FRMD4A: variants seen among roughly 807,000 people sequenced by gnomAD.
FRMD4A encodes the protein FERM domain-containing protein 4A.
FRMD4A carries 29 observed loss-of-function variants against 129.1 expected under a neutral mutation model. The ratio of observed to expected loss-of-function variants is 0.22; its 90% CI spans 0.17 to 0.31. The LOEUF is 0.31. Ranked by LOEUF, FRMD4A falls within the 10% of genes least tolerant of loss-of-function variation. FRMD4A has a pLI of 1.00. For synonymous variants in FRMD4A, 634 were observed against 571.6 expected (o/e 1.11, Z -1.56); for missense variants, 1,272 against 1,375.8 (o/e 0.92, Z 1.19).
chr10:13,934,698 G>A (rs1318607514), intron 2 of FRMD4A, among the ~76,000 whole-genome samples: 2 of 152,028 alleles, frequency 1.3e-5, no homozygotes, highest in Admixed American at 1.3e-4. Flanking sequence ...ATAGCCTTAC[G>A]TTAGAATGCT....
intron 2 of FRMD4A, among the ~76,000 whole-genome samples, chr10:13,884,168 TCACACACTCA>T (rs2094584439): frequency 1.5e-5 from 1 of 67,454 alleles, no homozygotes; most frequent in Admixed American, 1.3e-4. Flanking sequence ...ACACACACAC[TCACACACTCA>T]CACACACACA....
At chr10:14,122,767 A>G (rs369680042) in intron 2 of FRMD4A, among the ~76,000 whole-genome samples, 54 of 152,254 alleles carry the variant, frequency 3.5e-4, no homozygotes, top group South Asian at 1.5e-3. Flanking sequence ...GGGGATTGCA[A>G]CTGAACACAG....
intron 2 of FRMD4A, among the ~76,000 whole-genome samples, chr10:14,323,483 T>A (rs1164313840): frequency 6.6e-6 from 1 of 152,218 alleles, no homozygotes; most frequent in Non-Finnish European, 1.5e-5. Flanking sequence ...ATTGAAGCCA[T>A]GATTTGGGAT....
chr10:14,260,794 G>A (rs1057021604), intron 2 of FRMD4A, among the ~76,000 whole-genome samples: 1 of 152,184 alleles, frequency 6.6e-6, no homozygotes, highest in South Asian at 2.1e-4. Flanking sequence ...CTATAAAAGT[G>A]TATTAAAAAT....
chr10:13,982,690 A>G (rs1392906673), intron 2 of FRMD4A, among the ~76,000 whole-genome samples: 2 of 152,234 alleles, frequency 1.3e-5, no homozygotes, highest in Non-Finnish European at 2.9e-5. Flanking sequence ...TGTATTATCT[A>G]CATGGCTGCC....
intron 2 of FRMD4A, among the ~76,000 whole-genome samples, chr10:14,077,722 T>C (rs1835694570): frequency 6.6e-6 from 1 of 152,192 alleles, no homozygotes; most frequent in South Asian, 2.1e-4. Flanking sequence ...ATGCATTAAG[T>C]TTTAGAAGGA....
chr10:13,853,475 T>G (rs1000298436), intron 3 of FRMD4A, among the ~76,000 whole-genome samples: 1 of 152,010 alleles, frequency 6.6e-6, no homozygotes, highest in Non-Finnish European at 1.5e-5. Flanking sequence ...AAGGTTGAGG[T>G]TGCAGTGAGC....
At chr10:13,957,161 A>G (rs1396579363) in intron 2 of FRMD4A, among the ~76,000 whole-genome samples, 3 of 152,238 alleles carry the variant, frequency 2.0e-5, no homozygotes, top group African/African-American at 7.2e-5. Context: ...GTGGAAAGGC[A>G]AAGCCGGCCT....
chr10:14,116,357 AT>A (rs760752782), intron 2 of FRMD4A, among the ~76,000 whole-genome samples: 2 of 152,216 alleles, frequency 1.3e-5, no homozygotes, highest in Non-Finnish European at 2.9e-5. Flanking sequence ...TGGTTTTTGC[AT>A]GTTCATTCCT....
At chr10:14,079,423 T>G (rs1257750944) in intron 2 of FRMD4A, among the ~76,000 whole-genome samples, 3 of 152,160 alleles carry the variant, frequency 2.0e-5, no homozygotes, top group African/African-American at 7.2e-5. Flanking sequence ...ATCTCAAAAG[T>G]GAAAGAAAAG....
chr10:14,278,147 G>A (rs955056711), intron 2 of FRMD4A, among the ~76,000 whole-genome samples: 3 of 152,218 alleles, frequency 2.0e-5, no homozygotes, highest in African/African-American at 7.2e-5. Flanking sequence ...TTTGAAACCG[G>A]GGGCTTCCCT....
intron 2 of FRMD4A, among the ~76,000 whole-genome samples, chr10:14,185,659 G>A (rs934964707): frequency 6.6e-6 from 1 of 152,206 alleles, no homozygotes; most frequent in African/African-American, 2.4e-5. Flanking sequence ...GCGGTTGTTA[G>A]CTGTGCAGAT....
rs534820070 is a variant in FRMD4A at position 13,891,800 on chromosome 10, G to A, written c.46-32888C>T. The stretch of plus-strand genomic sequence containing the variant: ...GCCGCCGCCCCCGCCGCGGGCCCTC[G>A]GCGTCAGCCCATAGCCCGCTCGCGC... On this transcript the variant is annotated intron_variant, in intron 2 of 24. Transcript: ENST00000357447. 10 of 941,528 alleles carry A rather than the reference G, an allele frequency of 1.1e-5. No homozygotes were observed. The Admixed American group carries it at 6.7e-4, about 63-fold the overall frequency. 58.3% of individuals were successfully genotyped at this position (941,528 alleles called of 1,614,324 possible). A position where few individuals can be genotyped will look rare whatever the true frequency, so the allele number is the denominator to read the frequency against.
Position 13,656,633 on chromosome 10 carries a change from C to T in FRMD4A, c.2953+3G>A. 1 of 1,422,576 alleles carries T rather than the reference C, an allele frequency of 7.0e-7. No homozygotes were observed. The highest frequency in any genetic ancestry group is 1.5e-5 in the African/African-American group (1 of 68,248). The allele number at this position is 1,422,576 out of a possible 1,614,324, so 88.1% of individuals were successfully genotyped here. ...CCGCGTGCACCTGGCCGCCCCCTCT[C>T]ACCTGACGTGGCCTTGCACATCTGG... On this transcript the variant is annotated splice_donor_region_variant and intron_variant, in intron 22 of 24. Coordinates refer to ENST00000357447, the MANE Select transcript of FRMD4A (RefSeq NM_018027.5).
chr10:13,733,979 C>T (rs571299511), intron 12 of FRMD4A, among the ~76,000 whole-genome samples: 1 of 152,330 alleles, frequency 6.6e-6, no homozygotes, highest in African/African-American at 2.4e-5. Flanking sequence ...AGCTGAATGC[C>T]CAACTGCCTA....
intron 14 of FRMD4A, 87 bp from the exon 15 acceptor site, chr10:13,694,126 T>A: frequency 8.9e-7 from 1 of 1,118,544 alleles, no homozygotes; most frequent in Non-Finnish European, 1.2e-6. Context: ...GCTCACCGTC[T>A]TGACATTCCG....
intron 9 of FRMD4A, among the ~76,000 whole-genome samples, chr10:13,743,331 C>A (rs1466241708): frequency 6.6e-6 from 1 of 152,182 alleles, no homozygotes; most frequent in Non-Finnish European, 1.5e-5. Flanking sequence ...CACTTCCTTC[C>A]ATCCCACTCA....
At chr10:13,796,416 C>A in intron 5 of FRMD4A, 80 bp downstream of exon 5, 1 of 767,712 alleles carries the variant, frequency 1.3e-6, no homozygotes, top group Non-Finnish European at 2.4e-6. Flanking sequence ...AGCTCTCTTT[C>A]CTTGGAATCA....
chr10:14,252,236 C>T (rs1402885988), intron 2 of FRMD4A, among the ~76,000 whole-genome samples: 2 of 152,124 alleles, frequency 1.3e-5, no homozygotes, highest in Non-Finnish European at 2.9e-5. Flanking sequence ...GTGTGTCTTT[C>T]CAAAGAGTGA....
Sources: gnomAD v4.1 joint callset for allele counts (sites outside exome capture counted in the v4.1 genomes callset) on GRCh38, gnomAD v4.1.1 for gene constraint, MANE v1.5 for transcripts, NCBI Gene and HGNC (gene_info 2026-07-23, HGNC 2026-07-21) for gene names.